RYR2: variants seen among roughly 807,000 people sequenced by gnomAD.
The protein encoded by RYR2 is ryanodine receptor 2, also known as cardiac muscle ryanodine receptor-calcium release channel.
RYR2 carries 227 observed loss-of-function variants against 601.1 expected under a neutral mutation model. The observed-to-expected ratio is 0.38, with a 90% CI of 0.34 to 0.42. RYR2 has a LOEUF of 0.42. Ranked by LOEUF, RYR2 falls within the 10% of genes least tolerant of loss-of-function variation. The pLI, the probability that RYR2 is intolerant of heterozygous loss-of-function variation, is 1.00. For synonymous variants in RYR2, 2,223 were observed against 2,175.1 expected, an observed-to-expected ratio of 1.02 and a Z score of -0.61; for missense variants, 4,646 against 6,156.5, an observed-to-expected ratio of 0.75 and a Z score of 8.21.
At chr1:237,243,949 C>T (rs891031997) in intron 1 of RYR2, among the ~76,000 whole-genome samples, 4 of 152,204 alleles carry the variant, frequency 2.6e-5, no homozygotes, top group African/African-American at 9.6e-5. Flanking sequence ...AGAGCTCCTC[C>T]TTCCTCAGTT....
chr1:237,523,020 A>G (rs1667240785), intron 24 of RYR2, among the ~76,000 whole-genome samples: 1 of 152,210 alleles, frequency 6.6e-6, no homozygotes, highest in Admixed American at 6.6e-5. Context: ...AACAATGTTA[A>G]ATCATCAAAT....
intron 62 of RYR2, 60 bp downstream of exon 62, chr1:237,680,637 A>C: frequency 7.2e-7 from 1 of 1,384,516 alleles, no homozygotes; most frequent in Non-Finnish European, 9.8e-7. Context: ...AGTTGCAAAG[A>C]AAACCTGAGG....
chr1:237,243,321 C>A (rs1258767831), intron 1 of RYR2, among the ~76,000 whole-genome samples: 1 of 152,188 alleles, frequency 6.6e-6, no homozygotes. Context: ...GAACTTCTAA[C>A]CAACTGGCTT....
At chr1:237,043,312 G>A (rs554698196) in intron 1 of RYR2, among the ~76,000 whole-genome samples, 1 of 152,294 alleles carries the variant, frequency 6.6e-6, no homozygotes, top group African/African-American at 2.4e-5. Context: ...CGCGCGCGCG[G>A]GTGGTGGTGG....
At chr1:237,134,084 G>A (rs535141293) in intron 1 of RYR2, among the ~76,000 whole-genome samples, 79 of 152,176 alleles carry the variant, frequency 5.2e-4, no homozygotes, top group African/African-American at 1.8e-3. Context: ...ATGATTCACC[G>A]CTGATCTGAC....
rs377075562 is a variant in RYR2 at position 237,469,974 on chromosome 1, C to A, written c.1708+787C>A. Among the ~76,000 whole-genome samples the A allele has an allele frequency of 2.3e-4, 35 of 152,318 alleles. 2 individuals are homozygous for A. Among genetic ancestry groups the A allele is most frequent in the African/African-American group, 8.2e-4 (34 of 41,576 alleles). ...AATCAGTTATTTGAACTTGTTAGAG[C>A]TCTCTAGCTCACACATAATTGACCT... On this transcript the variant is annotated intron_variant, in intron 17 of 104. Transcript: ENST00000366574.
chr1:237,806,369 C>A, intron 99 of RYR2, 86 bp downstream of exon 99: 1 of 1,315,812 alleles, frequency 7.6e-7, no homozygotes, highest in Non-Finnish European at 1.1e-6. Flanking sequence ...CCTCAAATGA[C>A]AATGTACAGT....
chr1:237,800,441 C>T (rs1312394923), intron 97 of RYR2, among the ~76,000 whole-genome samples: 1 of 151,650 alleles, frequency 6.6e-6, no homozygotes, highest in Non-Finnish European at 1.5e-5. Flanking sequence ...GTTTTTAATC[C>T]TGGAGTAAGT....
chr1:237,517,830 A>T (rs182094946), intron 24 of RYR2, among the ~76,000 whole-genome samples: 2,331 of 151,904 alleles, frequency 0.015, 28 homozygotes, highest in Middle Eastern at 0.051. Flanking sequence ...TTTTTTTTTT[A>T]AATTCACAAT....
chr1:237,223,143 T>A (rs1684001528), intron 1 of RYR2, among the ~76,000 whole-genome samples: 1 of 152,240 alleles, frequency 6.6e-6, no homozygotes, highest in Non-Finnish European at 1.5e-5. Flanking sequence ...TGTGTTACTT[T>A]GTAATACTGT....
At chr1:237,187,826 T>G (rs1376891949) in intron 1 of RYR2, among the ~76,000 whole-genome samples, 1 of 152,160 alleles carries the variant, frequency 6.6e-6, no homozygotes, top group South Asian at 2.1e-4. Context: ...AGAGATTATT[T>G]GAGATTATTT....
intron 35 of RYR2, among the ~76,000 whole-genome samples, chr1:237,605,631 C>G (rs573415691): frequency 5.9e-5 from 9 of 152,048 alleles, no homozygotes; most frequent in Admixed American, 1.3e-4. Flanking sequence ...CAAATTGTCC[C>G]TGTTTGCAGA....
chr1:237,322,629 C>T (rs1284969865), intron 2 of RYR2, among the ~76,000 whole-genome samples: 3 of 152,128 alleles, frequency 2.0e-5, no homozygotes, highest in Non-Finnish European at 1.5e-5. Flanking sequence ...AAGGCTCTAT[C>T]AAGTGTGTTC....
At chr1:237,066,473 G>T (rs1199608974) in intron 1 of RYR2, among the ~76,000 whole-genome samples, 1 of 152,158 alleles carries the variant, frequency 6.6e-6, no homozygotes, top group African/African-American at 2.4e-5. Flanking sequence ...ATGTTTGGGA[G>T]ATCCAGTTTC....
intron 10 of RYR2, among the ~76,000 whole-genome samples, chr1:237,388,747 A>G (rs1702140972): frequency 6.6e-6 from 1 of 152,206 alleles, no homozygotes; most frequent in Non-Finnish European, 1.5e-5. Context: ...TTACAAAACC[A>G]TAAAAATATT....
At chr1:237,709,195 T>C (rs1306117758) in intron 69 of RYR2, 97 bp downstream of exon 69, 10 of 1,154,898 alleles carry the variant, frequency 8.7e-6, no homozygotes, top group Non-Finnish European at 1.2e-5. Flanking sequence ...TATTTTGCCA[T>C]GAGCTTGTTG....
At position 237,610,857 on chromosome 1, in the gene RYR2, C is replaced by T. The variant is rs769774527; in HGVS notation, c.4779C>T (p.His1593=). The change falls in exon 36 of 105, where the codon CAC becomes CAT. Residue 1593 remains histidine (H), a synonymous_variant. Transcript: ENST00000366574. This position sits in a 1 kb window ranked among gnomAD's most constrained non-coding sequence, Gnocchi z 4.9. ...PPRLHVQFLS[H]VLWSRMPNQF... ...GCCTCCACGTGCAGTTCCTGTCACA[C>T]GTCCTGTGGAGCAGAATGCCCAACC... The T allele has an allele frequency of 5.0e-6, 8 of 1,613,278 alleles. No homozygotes were observed. Among genetic ancestry groups the T allele is most frequent in the Non-Finnish European group, 4.2e-6 (5 of 1,179,624 alleles).
chr1:237,061,260 CT>C (rs879324597), intron 1 of RYR2, among the ~76,000 whole-genome samples: 7,642 of 110,412 alleles, frequency 0.069, 242 homozygotes, highest in Admixed American at 0.087. Flanking sequence ...TATCATCTAT[CT>C]ATCTATCCAT....
At chr1:237,157,410 C>G (rs1675521558) in intron 1 of RYR2, among the ~76,000 whole-genome samples, 1 of 151,374 alleles carries the variant, frequency 6.6e-6, no homozygotes, top group South Asian at 2.1e-4. Flanking sequence ...CAACAGCAAT[C>G]AGTATATCTA....
Sources: gnomAD v4.1 joint callset for allele counts (sites outside exome capture counted in the v4.1 genomes callset) on GRCh38, gnomAD v4.1.1 for gene constraint, Gnocchi (gnomAD v3.1) non-coding constraint, MANE v1.5 for transcripts, NCBI Gene and HGNC (gene_info 2026-07-23, HGNC 2026-07-21) for gene names.